TRIM71: variants seen among roughly 807,000 people sequenced by gnomAD.
TRIM71 encodes tripartite motif containing 71.
In TRIM71, 9 loss-of-function variants were observed where a neutral mutation model predicts 61.2. That is an observed-to-expected ratio of 0.15 (90% CI 0.09 to 0.26). The LOEUF is 0.26. TRIM71 is among the 10% of genes least tolerant of loss of function. The probability of loss-of-function intolerance (pLI) is 1.00; values close to 1 mark genes in which losing one functional copy is unlikely to be tolerated. For missense variants in TRIM71, 998 were observed against 1,238.7 expected (o/e 0.81, Z 2.92); for synonymous variants, 645 against 553.2 (o/e 1.17, Z -2.33).
At chr3:32,870,605 C>T (rs1696784827) in intron 1 of TRIM71, among the ~76,000 whole-genome samples, 1 of 152,194 alleles carries the variant, frequency 6.6e-6, no homozygotes, top group South Asian at 2.1e-4. Context: ...CGGCCACTAC[C>T]TGTTCTGACC....
chr3:32,865,164 C>A (rs1410102980), intron 1 of TRIM71, among the ~76,000 whole-genome samples: 1 of 152,040 alleles, frequency 6.6e-6, no homozygotes, highest in Non-Finnish European at 1.5e-5. Context: ...CCCGTCTCTA[C>A]TAAAAATACA....
intron 1 of TRIM71, among the ~76,000 whole-genome samples, chr3:32,854,623 GC>G (rs1696576204): frequency 1.3e-5 from 2 of 152,174 alleles, no homozygotes; most frequent in African/African-American, 4.8e-5. Flanking sequence ...GCATCATCTG[GC>G]TAAATCTTTC....
In TRIM71 at chr3:32,891,389, C is replaced by A; in HGVS notation, c.2185C>A (p.Pro729Thr). ...GAACCACCGGATCCAGCTGTTTGGG[C>A]CTGATGGTGTCTTCCTAAACAAGTA... Reference protein sequence around the residue: ...TRNHRIQLFGPDGVFLNKYGF... With the variant: ...TRNHRIQLFGTDGVFLNKYGF... Residue 729 changes from proline (P) to threonine (T), a missense_variant, in exon 4 of 4, where the codon CCT becomes ACT. Transcript: ENST00000383763. This position sits in a 1 kb window ranked among gnomAD's most constrained non-coding sequence, Gnocchi z 8.2. 13 of 1,614,102 alleles carry A rather than the reference C, an allele frequency of 8.1e-6. No individual in the cohort carries two copies. Among genetic ancestry groups the A allele is most frequent in the Non-Finnish European group, 1.0e-5 (12 of 1,180,034 alleles).
chr3:32,842,170 T>C (rs1283770174), intron 1 of TRIM71, among the ~76,000 whole-genome samples: 1 of 152,206 alleles, frequency 6.6e-6, no homozygotes, highest in Non-Finnish European at 1.5e-5. Flanking sequence ...TCCATCACTG[T>C]CTAGATTTAC....
chr3:32,842,138 C>A (rs1696414184), intron 1 of TRIM71, among the ~76,000 whole-genome samples: 1 of 152,232 alleles, frequency 6.6e-6, no homozygotes, highest in Admixed American at 6.5e-5. Context: ...TCCTCATATG[C>A]TGAGGAGGGG....
intron 2 of TRIM71, among the ~76,000 whole-genome samples, chr3:32,880,062 T>G (rs1696892127): frequency 6.6e-6 from 1 of 152,166 alleles, no homozygotes; most frequent in South Asian, 2.1e-4. Context: ...TTATTATTTT[T>G]ATTTTTGAGA....
intron 1 of TRIM71, among the ~76,000 whole-genome samples, chr3:32,823,721 A>G (rs1696166252): frequency 6.9e-6 from 1 of 145,934 alleles, no homozygotes; most frequent in Admixed American, 6.7e-5. Context: ...GTGAGCCGAG[A>G]TCATGCCATT....
intron 3 of TRIM71, among the ~76,000 whole-genome samples, chr3:32,888,490 G>A (rs1245810762): frequency 1.4e-5 from 2 of 141,460 alleles, no homozygotes; most frequent in African/African-American, 5.2e-5. Flanking sequence ...CTGTGGTGGT[G>A]GTCTCCTTTA....
intron 1 of TRIM71, among the ~76,000 whole-genome samples, chr3:32,864,772 C>A (rs1288237940): frequency 4.6e-5 from 7 of 152,072 alleles, no homozygotes; most frequent in Admixed American, 4.6e-4. Context: ...CATCCCTCTT[C>A]CCCCACTTGG....
intron 1 of TRIM71, among the ~76,000 whole-genome samples, chr3:32,848,483 C>T (rs1466886431): frequency 1.3e-5 from 2 of 152,148 alleles, no homozygotes; most frequent in African/African-American, 4.8e-5. Context: ...GGCATGAAGC[C>T]GTTGTGGAAG....
Position 32,818,345 on chromosome 3 carries a change from C to G in TRIM71, c.265C>G (p.Leu89Val). ...GGGAAGEPLK[L>V]RCPVCDQKVV... ...CGGCGCGGCGGGAGAGCCGCTCAAG[C>G]TGCGCTGCCCCGTGTGCGACCAGAA... The change falls in exon 1 of 4, where the codon CTG (leucine) becomes GTG (valine). Residue 89 changes from leucine to valine, a missense_variant. Physicochemically the swap from Leu to Val is conservative, Grantham distance 32 (BLOSUM62 1). This residue lies in a region of TRIM71 where 527 missense variants were observed against 427.8 expected (regional missense o/e 1.23). Transcript: ENST00000383763. 1 of 1,453,920 alleles carries G rather than the reference C, an allele frequency of 6.9e-7. No individual in the cohort carries two copies. Among genetic ancestry groups the G allele is most frequent in the Non-Finnish European group, 9.0e-7 (1 of 1,107,676 alleles). The allele number at this position is 1,453,920 out of a possible 1,614,324, so 90.1% of individuals were successfully genotyped here. A position where few individuals can be genotyped will look rare whatever the true frequency, so the allele number is the denominator to read the frequency against.
intron 2 of TRIM71, among the ~76,000 whole-genome samples, chr3:32,878,628 G>T (rs1410840776): frequency 3.3e-5 from 5 of 151,878 alleles, no homozygotes; most frequent in African/African-American, 1.2e-4. Context: ...AAAAATAAAT[G>T]AATAAATAAA....
Position 32,893,209 on chromosome 3 carries a change from C to T in TRIM71, c.*1398C>T, listed in dbSNP as rs1255295392. The T allele has an allele frequency of 6.7e-6, 1 of 150,170 alleles. No individual in the cohort carries two copies. Among genetic ancestry groups the T allele is most frequent in the Non-Finnish European group, 1.5e-5 (1 of 67,746 alleles). The allele number at this position is 150,170 out of a possible 1,614,324, so 9.3% of individuals were successfully genotyped here. The stretch of plus-strand genomic sequence containing the variant: ...CCCCCCGCCCCCTCTCCCCCCAAGG[C>T]CTTTGACCATAAAGGATCTAGAAAC... On this transcript the variant is annotated 3_prime_UTR_variant, in exon 4 of 4. Transcript: ENST00000383763.
rs1697034127 is a variant in TRIM71 at position 32,892,166 on chromosome 3, G to A, written c.*355G>A. The A allele has an allele frequency of 1.3e-5, 3 of 222,338 alleles. No homozygotes were observed. The Admixed American group carries it at 1.6e-4, about 12-fold the overall frequency. The allele number at this position is 222,338 out of a possible 1,614,324, so 13.8% of individuals were successfully genotyped here. ...CCTGCGTGGGGCATGATATGCACAA[G>A]CCTGGCATCTGTATGGCTGGGAGGG... On this transcript the variant is annotated 3_prime_UTR_variant, in exon 4 of 4. Transcript: ENST00000383763.
chr3:32,819,211 C>T (rs1294075951), intron 1 of TRIM71, among the ~76,000 whole-genome samples: 1 of 151,868 alleles, frequency 6.6e-6, no homozygotes, highest in Non-Finnish European at 1.5e-5. Context: ...ACGCGGCAAT[C>T]GTCTTGAGTT....
intron 1 of TRIM71, among the ~76,000 whole-genome samples, chr3:32,820,952 G>C (rs1023181127): frequency 2.0e-5 from 3 of 152,166 alleles, no homozygotes; most frequent in Non-Finnish European, 4.4e-5. Context: ...CATTTCGGAA[G>C]TTGTTTGGCC....
chr3:32,873,812 C>A lies in TRIM71; in HGVS notation c.853-6C>A. ...CATTTATGCCTGTACCCTCTCTTGT[C>A]CCCAGGTGCTGCACCTGTACTGTGA... On this transcript the variant is annotated splice_region_variant and splice_polypyrimidine_tract_variant and intron_variant, in intron 1 of 3. Transcript: ENST00000383763. 2 of 1,557,266 alleles carry A rather than the reference C, an allele frequency of 1.3e-6. No individual in the cohort carries two copies. The highest frequency in any genetic ancestry group is 1.7e-6 in the Non-Finnish European group (2 of 1,144,336).
intron 1 of TRIM71, among the ~76,000 whole-genome samples, chr3:32,828,175 A>C (rs145327129): frequency 5.3e-5 from 8 of 152,264 alleles, no homozygotes; most frequent in African/African-American, 1.7e-4. Context: ...GCCCTCCGAG[A>C]TCAGTGTCAA....
intron 1 of TRIM71, among the ~76,000 whole-genome samples, chr3:32,827,663 A>G (rs1174927381): frequency 1.3e-5 from 2 of 152,210 alleles, no homozygotes; most frequent in African/African-American, 4.8e-5. Context: ...AGTGGGCACA[A>G]AAAAGAATAA....
Sources: gnomAD v4.1 joint callset for allele counts (sites outside exome capture counted in the v4.1 genomes callset) on GRCh38, gnomAD v4.1.1 for gene constraint, gnomAD v4.1.1 regional missense constraint, Gnocchi (gnomAD v3.1) non-coding constraint, MANE v1.5 for transcripts, NCBI Gene and HGNC (gene_info 2026-07-23, HGNC 2026-07-21) for gene names.